The following FKTN variants were observed in gnomAD, a reference collection of about 807,000 sequenced individuals.
The protein encoded by FKTN is ribitol-5-phosphate transferase FKTN.
A neutral mutation model predicts 58.6 loss-of-function variants in FKTN; 47 were observed. That is an observed-to-expected ratio of 0.80 (90% CI 0.63 to 1.02). The LOEUF is 1.02. Ranked by LOEUF, FKTN falls within the 50% of genes least tolerant of loss-of-function variation. The pLI, the probability that FKTN is intolerant of heterozygous loss-of-function variation, is 0.00. For missense variants in FKTN, 516 were observed against 537.3 expected (o/e 0.96, Z 0.39); for synonymous variants, 178 against 191.9 (o/e 0.93, Z 0.60).
At chr9:105,585,323 AC>A (rs1187507807) in intron 3 of FKTN, among the ~76,000 whole-genome samples, 3 of 152,084 alleles carry the variant, frequency 2.0e-5, no homozygotes, top group Admixed American at 6.6e-5. Flanking sequence ...TACTTGGGAC[AC>A]TGAGGTGAGA....
At chr9:105,590,296 CT>C (rs1167943873) in intron 3 of FKTN, among the ~76,000 whole-genome samples, 3 of 152,154 alleles carry the variant, frequency 2.0e-5, no homozygotes, top group Non-Finnish European at 4.4e-5. Flanking sequence ...CTGATTTTCT[CT>C]TGTCTGCTGC....
chr9:105,574,857 T>A (rs2132012521), intron 2 of FKTN, 88 bp from the exon 3 acceptor site: 1 of 595,438 alleles, frequency 1.7e-6, no homozygotes, highest in African/African-American at 1.9e-5. Context: ...TGTGGAAATT[T>A]AATTTTTTCT....
intron 1 of FKTN, among the ~76,000 whole-genome samples, chr9:105,558,529 G>A (rs562463897): frequency 6.6e-6 from 1 of 152,088 alleles, no homozygotes; most frequent in African/African-American, 2.4e-5. Context: ...GCCTCTCAAA[G>A]TGCTGAGATT....
chr9:105,569,127 C>G lies in FKTN; in HGVS notation c.-180-4528C>G, dbSNP rs967002318. Reference sequence around the variant, plus strand: ...TCACAGGAAGGGGGACATCACACACCGGGGCCTGTTGTGGGATGGGAGCAA... The same window carrying G: ...TCACAGGAAGGGGGACATCACACACGGGGGCCTGTTGTGGGATGGGAGCAA... On this transcript the variant is annotated intron_variant, in intron 1 of 10. Transcript: ENST00000357998. Among the ~76,000 whole-genome samples the G allele has an allele frequency of 2.0e-5, 3 of 151,882 alleles. No homozygotes were observed. The South Asian group carries it at 6.2e-4, about 32-fold the overall frequency.
chr9:105,610,347 T>C (rs1008690159), intron 7 of FKTN, among the ~76,000 whole-genome samples: 1 of 152,018 alleles, frequency 6.6e-6, no homozygotes, highest in South Asian at 2.1e-4. Context: ...TTTATTTCTG[T>C]ATCTATCTAT....
intron 3 of FKTN, among the ~76,000 whole-genome samples, chr9:105,581,290 T>G (rs1241445122): frequency 6.8e-6 from 1 of 147,822 alleles, no homozygotes; most frequent in Admixed American, 6.7e-5. Context: ...TTCCCCATCT[T>G]TGTGGTTTTA....
chr9:105,588,826 G>A lies in FKTN; in HGVS notation c.106-7772G>A, dbSNP rs555749767. On this transcript the variant is annotated intron_variant, in intron 3 of 10. Coordinates refer to ENST00000357998, the MANE Select transcript of FKTN (RefSeq NM_001079802.2). ...CTCTTTACCATACTCTGTTCTTGGG[G>A]AGGCAGACCTTTATGGATTATATTA... Among the ~76,000 whole-genome samples, 12 of 152,304 alleles carry A rather than the reference G, an allele frequency of 7.9e-5. No individual in the cohort carries two copies. In the South Asian group the frequency reaches 2.5e-3, roughly 32 times the overall value.
At chr9:105,620,812 TA>T in intron 10 of FKTN, among the ~76,000 whole-genome samples, 1 of 151,360 alleles carries the variant, frequency 6.6e-6, no homozygotes, top group Non-Finnish European at 1.5e-5. Flanking sequence ...GTAGTAGTAG[TA>T]GTAGTAGTAA....
intron 3 of FKTN, among the ~76,000 whole-genome samples, chr9:105,577,187 T>A (rs1194432539): frequency 5.3e-5 from 8 of 151,042 alleles, no homozygotes; most frequent in Non-Finnish European, 1.0e-4. Flanking sequence ...ATCCCATTTG[T>A]CAATTTTGTC....
At chr9:105,579,236 T>C (rs1454865026) in intron 3 of FKTN, among the ~76,000 whole-genome samples, 2 of 152,232 alleles carry the variant, frequency 1.3e-5, no homozygotes, top group African/African-American at 4.8e-5. Flanking sequence ...CTTGCTTCTC[T>C]AGTTCTCTTA....
chr9:105,562,601 C>A (rs551047544), intron 1 of FKTN, among the ~76,000 whole-genome samples: 76 of 152,342 alleles, frequency 5.0e-4, no homozygotes, highest in African/African-American at 1.7e-3. Context: ...TAATCCTAAT[C>A]TTGTAGTCTT....
At chr9:105,613,875 T>C (rs982677608) in intron 7 of FKTN, among the ~76,000 whole-genome samples, 7 of 152,198 alleles carry the variant, frequency 4.6e-5, no homozygotes, top group African/African-American at 1.7e-4. Context: ...GAAGAATAAA[T>C]ACATATGTCT....
intron 7 of FKTN, among the ~76,000 whole-genome samples, chr9:105,610,757 T>C (rs75151184): frequency 0.026 from 3,948 of 152,118 alleles, 229 homozygotes; most frequent in African/African-American, 0.091. Context: ...ATTACCTGCC[T>C]AGGCTCTGAT....
intron 3 of FKTN, among the ~76,000 whole-genome samples, chr9:105,594,491 C>G (rs564177726): frequency 3.3e-5 from 5 of 152,336 alleles, no homozygotes. Context: ...GATATGGTGT[C>G]TCACACCTGG....
chr9:105,639,873 T>C lies in FKTN; in HGVS notation c.*4609T>C, dbSNP rs1834305201. 6 of 1,364,046 alleles carry C rather than the reference T, an allele frequency of 4.4e-6. No homozygotes were observed. Among genetic ancestry groups the C allele is most frequent in the Non-Finnish European group, 5.6e-6 (6 of 1,062,030 alleles). 84.5% of individuals were successfully genotyped at this position (1,364,046 alleles called of 1,614,324 possible). A position where few individuals can be genotyped will look rare whatever the true frequency, so the allele number is the denominator to read the frequency against. ...ACTTCACTAGATTTGGTACCTGCTC[T>C]CCCCTGGACTTCTTTTTCAATATTC... On this transcript the variant is annotated 3_prime_UTR_variant, in exon 11 of 11. Coordinates refer to ENST00000357998, the MANE Select transcript of FKTN (RefSeq NM_001079802.2).
At chr9:105,561,565 A>AC (rs1373028317) in intron 1 of FKTN, among the ~76,000 whole-genome samples, 9 of 152,296 alleles carry the variant, frequency 5.9e-5, no homozygotes, top group African/African-American at 2.2e-4. Context: ...TTCAGCCACT[A>AC]TCTTTCCAAA....
chr9:105,570,830 T>A (rs1271139531), intron 1 of FKTN, among the ~76,000 whole-genome samples: 1 of 152,084 alleles, frequency 6.6e-6, no homozygotes, highest in Non-Finnish European at 1.5e-5. Context: ...GAAGTGTCAT[T>A]TGAGAGGAGC....
At position 105,638,163 on chromosome 9, in the gene FKTN, C is replaced by T. The variant is rs1345549878; in HGVS notation, c.*2899C>T. 1 of 985,176 alleles carries T rather than the reference C, an allele frequency of 1.0e-6. No individual in the cohort carries two copies. The highest frequency in any genetic ancestry group is 1.2e-6 in the Non-Finnish European group (1 of 829,862). The allele number at this position is 985,176 out of a possible 1,614,324, so 61.0% of individuals were successfully genotyped here. ...GAACAGCTGAGGCTAAAACCCAAGA[C>T]TGCCGTGACTCCTAGTCCAATGTCT... On this transcript the variant is annotated 3_prime_UTR_variant, in exon 11 of 11. Transcript: ENST00000357998.
chr9:105,636,953 A>G lies in FKTN; in HGVS notation c.*1689A>G, dbSNP rs533856195. ...TCAATGCAGAATTATTGGGTCTTTC[A>G]TAAATAACATGAGTGGTTTCTGGAG... On this transcript the variant is annotated 3_prime_UTR_variant, in exon 11 of 11. Coordinates refer to ENST00000357998, the MANE Select transcript of FKTN (RefSeq NM_001079802.2). 4.5e-4 allele frequency: 471 copies of G among 1,036,870 alleles called. 3 individuals carry two copies. The African/African-American group carries it at 7.0e-3, about 15-fold the overall frequency. 64.2% of individuals were successfully genotyped at this position (1,036,870 alleles called of 1,614,324 possible).
Sources: gnomAD v4.1 joint callset for allele counts (sites outside exome capture counted in the v4.1 genomes callset) on GRCh38, gnomAD v4.1.1 for gene constraint, MANE v1.5 for transcripts, NCBI Gene and HGNC (gene_info 2026-07-23, HGNC 2026-07-21) for gene names.